Variants in TMEM39B observed in about 807,000 individuals in gnomAD.
TMEM39B encodes transmembrane protein 39B.
In TMEM39B, 23 loss-of-function variants were observed where a neutral mutation model predicts 52.2. That is an observed-to-expected ratio of 0.44 (90% CI 0.32 to 0.62). TMEM39B has a LOEUF of 0.62. TMEM39B is among the 20% of genes least tolerant of loss of function. The pLI is 0.06. For synonymous variants in TMEM39B, 285 were observed against 264.0 expected (o/e 1.08, Z -0.77); for missense variants, 547 against 642.0 (o/e 0.85, Z 1.60).
chr1:32,092,703 C>G (rs1301788953), intron 6 of TMEM39B, among the ~76,000 whole-genome samples: 1 of 151,974 alleles, frequency 6.6e-6, no homozygotes, highest in Non-Finnish European at 1.5e-5. Context: ...GTTGGCCAGT[C>G]TGGTCTCAAA....
At position 32,077,242 on chromosome 1, in the gene TMEM39B, G is replaced by A; in HGVS notation, c.514G>A (p.Gly172Ser). 1 of 1,614,130 alleles carries A rather than the reference G, an allele frequency of 6.2e-7. No homozygotes were observed. Among genetic ancestry groups the A allele is most frequent in the South Asian group, 1.1e-5 (1 of 91,080 alleles). ...LTRFTVLTAT[G>S]WSLCRSLIHL... ...TCGCTTCACCGTTCTCACGGCAACA[G>A]GCTGGAGTCTGTGCCGATCCCTCAT... Residue 172 changes from glycine to serine, a missense_variant, in exon 5 of 9, where the codon GGC (glycine) becomes AGC (serine). Gly to Ser is a moderately conservative substitution (Grantham distance 56). Transcript: ENST00000336294.
rs552564132 is a variant in TMEM39B at position 32,085,738 on chromosome 1, G to C, written c.591-5937G>C. 1.0e-4 allele frequency among the ~76,000 whole-genome samples: 15 copies of C among 148,858 alleles called. No individual in the cohort carries two copies. The South Asian group carries it at 2.1e-3, about 21-fold the overall frequency. On this transcript the variant is annotated intron_variant, in intron 5 of 8. Transcript: ENST00000336294. ...TGCACTCCAGCCTGGGCAACAGAGC[G>C]AGACTCTGTCTCAAAAAAAAAAAAA...
intron 5 of TMEM39B, among the ~76,000 whole-genome samples, chr1:32,077,667 C>T (rs1639923387): frequency 6.6e-6 from 1 of 152,112 alleles, no homozygotes; most frequent in South Asian, 2.1e-4. Context: ...CTCTGTGTCT[C>T]TCTTTGTGTA....
chr1:32,097,652 T>G (rs1036105450), intron 7 of TMEM39B, among the ~76,000 whole-genome samples: 28 of 149,418 alleles, frequency 1.9e-4, no homozygotes, highest in African/African-American at 6.9e-4. Flanking sequence ...TTTTTTTGTT[T>G]GTTTGTTTTT....
intron 7 of TMEM39B, among the ~76,000 whole-genome samples, 190 bp from the exon 8 acceptor site, chr1:32,100,252 G>A (rs940809767): frequency 2.0e-5 from 3 of 152,204 alleles, no homozygotes; most frequent in African/African-American, 7.2e-5. Context: ...CTAACTCACA[G>A]TACAGTGAAT....
chr1:32,094,986 C>T lies in TMEM39B; in HGVS notation c.1115+15C>T, dbSNP rs778617346. 1 of 1,610,494 alleles carries T rather than the reference C, an allele frequency of 6.2e-7. No individual in the cohort carries two copies. Among genetic ancestry groups the T allele is most frequent in the African/African-American group, 1.3e-5 (1 of 74,882 alleles). On this transcript the variant is annotated intron_variant, in intron 7 of 8. Transcript: ENST00000336294. ...CTGCAGCACCCGTGAGTCACCCTAC[C>T]CTGCTCAACCCAATCCCAGCCCTTC... is the stretch of plus-strand genomic sequence containing the variant.
intron 1 of TMEM39B, among the ~76,000 whole-genome samples, chr1:32,074,479 C>T (rs796737422): frequency 9.9e-5 from 15 of 152,156 alleles, no homozygotes; most frequent in African/African-American, 3.6e-4. Context: ...GGGGATATAG[C>T]AGTGAAAAAG....
chr1:32,093,163 A>T (rs1274976745), intron 6 of TMEM39B, among the ~76,000 whole-genome samples: 1 of 151,614 alleles, frequency 6.6e-6, no homozygotes, highest in Admixed American at 6.6e-5. Flanking sequence ...CAGTGGTGCG[A>T]TCTTAGCTCA....
In TMEM39B at chr1:32,075,825, AGGTACCCAACAAG is replaced by A; in HGVS notation, c.351+7_351+19del. The A allele has an allele frequency of 3.5e-6, 5 of 1,438,796 alleles. No homozygotes were observed. The highest frequency in any genetic ancestry group is 4.7e-6 in the Non-Finnish European group (5 of 1,068,394). 89.1% of individuals were successfully genotyped at this position (1,438,796 alleles called of 1,614,324 possible). On this transcript the variant is annotated splice_donor_5th_base_variant and intron_variant, in intron 3 of 8. Transcript: ENST00000336294. ...ACCCACCCTCCCACACCTCCCTGGT[AGGTACCCAACAAG>A]GGTGTGTGTGTGTGTGTGTGTGTGT...
chr1:32,076,932 C>G (rs1424124349), intron 4 of TMEM39B, 86 bp downstream of exon 4: 8 of 1,484,404 alleles, frequency 5.4e-6, no homozygotes, highest in Non-Finnish European at 7.5e-6. Context: ...AGCCCTTCAG[C>G]CTTAGGGTAT....
At chr1:32,073,148 G>A (rs867132325) in intron 1 of TMEM39B, 97 bp downstream of exon 1, 8 of 1,348,764 alleles carry the variant, frequency 5.9e-6, no homozygotes, top group Admixed American at 3.7e-5. Flanking sequence ...CAGGAGCCCG[G>A]TGACGGGAGG....
At chr1:32,095,777 G>A (rs1640785960) in intron 7 of TMEM39B, 1 of 152,344 alleles carries the variant, frequency 6.6e-6, no homozygotes, top group Non-Finnish European at 1.5e-5. Context: ...GCCCACCAAG[G>A]AGCAGAGATG....
intron 4 of TMEM39B, 135 bp downstream of exon 4, chr1:32,076,981 A>T: frequency 7.9e-7 from 1 of 1,266,574 alleles, no homozygotes; most frequent in Non-Finnish European, 1.1e-6. Flanking sequence ...GAAGAACATT[A>T]GTTACATCCC....
At chr1:32,075,859 T>C (rs1557909880) in intron 3 of TMEM39B, 37 bp downstream of exon 3, 9 of 1,270,510 alleles carry the variant, frequency 7.1e-6, no homozygotes, top group Middle Eastern at 2.8e-4. Context: ...TGTGTGTGTG[T>C]GTGTGCGTGT....
At position 32,091,678 on chromosome 1, in the gene TMEM39B, T is replaced by C. The variant is rs1275906052; in HGVS notation, c.594T>C (p.Phe198=). ...FLNLLFLCYP[F]GMYIPFLQLN... is the part of the protein sequence containing the mutation. ...TCACCACCGTCTTCCCCAGCAGGTT[T>C]GGGATGTACATTCCGTTCCTGCAGC... Residue 198 remains phenylalanine, a synonymous_variant, in exon 6 of 9, where the codon TTT becomes TTC. Coordinates refer to ENST00000336294, the MANE Select transcript of TMEM39B (RefSeq NM_018056.4). 6.3e-7 allele frequency: 1 copy of C among 1,593,322 alleles called. No homozygotes were observed. Among genetic ancestry groups the C allele is most frequent in the Non-Finnish European group, 8.6e-7 (1 of 1,167,302 alleles).
At chr1:32,081,386 T>C (rs615776) in intron 5 of TMEM39B, among the ~76,000 whole-genome samples, 149,152 of 151,928 alleles carry the variant, frequency 0.98, 73,279 homozygotes, top group East Asian at 1. Context: ...GTCCTCCCAC[T>C]TCAGCCTTCT....
chr1:32,091,118 A>G (rs1035960267), intron 5 of TMEM39B, among the ~76,000 whole-genome samples: 1 of 151,992 alleles, frequency 6.6e-6, no homozygotes, highest in Non-Finnish European at 1.5e-5. Context: ...ATTACTCATA[A>G]TGATTTGTTG....
chr1:32,099,229 T>C (rs1473115362), intron 7 of TMEM39B, among the ~76,000 whole-genome samples: 1 of 142,246 alleles, frequency 7.0e-6, no homozygotes, highest in African/African-American at 2.6e-5. Context: ...TGAGACTCTG[T>C]CTCAAAAAAA....
intron 7 of TMEM39B, among the ~76,000 whole-genome samples, chr1:32,097,973 C>G (rs1054678628): frequency 2.0e-5 from 3 of 151,970 alleles, no homozygotes; most frequent in Non-Finnish European, 4.4e-5. Flanking sequence ...GAGGTTCATT[C>G]ATGTTATGAG....
Sources: allele counts gnomAD v4.1 joint callset (sites outside exome capture counted in the v4.1 genomes callset), GRCh38; gene constraint gnomAD v4.1.1; transcripts MANE v1.5; gene names NCBI Gene and HGNC (gene_info 2026-07-23, HGNC 2026-07-21).